The following DCHS2 variants were observed in gnomAD, a reference collection of about 807,000 sequenced individuals.
DCHS2 encodes the protein dachsous cadherin-related 2, also known as protocadherin-23.
DCHS2 carries 142 observed loss-of-function variants against 182.4 expected under a neutral mutation model. The observed-to-expected ratio is 0.78, with a 90% CI of 0.68 to 0.89. DCHS2 has a LOEUF of 0.89. Ranked by LOEUF, DCHS2 falls within the 40% of genes least tolerant of loss-of-function variation. The pLI is 0.00. For synonymous variants in DCHS2, 1,740 were observed against 1,663.3 expected (o/e 1.05, Z -1.12); for missense variants, 4,319 against 4,198.6 (o/e 1.03, Z -0.79).
At chr4:154,478,616 T>C (rs963024153) in intron 1 of DCHS2, among the ~76,000 whole-genome samples, 4 of 152,176 alleles carry the variant, frequency 2.6e-5, no homozygotes, top group Non-Finnish European at 5.9e-5. Flanking sequence ...CAGGAAACCA[T>C]AGCCATTAGA....
intron 1 of DCHS2, among the ~76,000 whole-genome samples, chr4:154,384,792 G>A (rs1368989183): frequency 1.3e-5 from 2 of 152,122 alleles, no homozygotes; most frequent in African/African-American, 2.4e-5. Flanking sequence ...AGCTGGAGGA[G>A]ATAAAGAATG....
At chr4:154,247,635 C>CAAA (rs67157369) in intron 16 of DCHS2, among the ~76,000 whole-genome samples, 2 of 100,116 alleles carry the variant, frequency 2.0e-5, no homozygotes, top group African/African-American at 8.1e-5. Flanking sequence ...GACTCCGTCT[C>CAAA]AAAAAAAAAA....
At chr4:154,345,364 C>G (rs1165417433) in intron 3 of DCHS2, among the ~76,000 whole-genome samples, 1 of 152,216 alleles carries the variant, frequency 6.6e-6, no homozygotes, top group Non-Finnish European at 1.5e-5. Context: ...GTTACTGTTT[C>G]TGTTTTCCTG....
rs116356309 is a variant in DCHS2 at position 154,305,080 on chromosome 4, C to T, written c.5395+17G>A. ...TTTTTAATTTTTATTTTTTAGCCTACTCAAAGAATCCCTTACCTCGAAGGG... is the reference window on the plus strand; with the variant it reads ...TTTTTAATTTTTATTTTTTAGCCTATTCAAAGAATCCCTTACCTCGAAGGG... On this transcript the variant is annotated intron_variant, in intron 11 of 19. Coordinates refer to ENST00000357232, the MANE Select transcript of DCHS2 (RefSeq NM_001358235.2). 3 of 1,586,288 alleles carry T rather than the reference C, an allele frequency of 1.9e-6. No homozygotes were observed. Among genetic ancestry groups the T allele is most frequent in the African/African-American group, 2.7e-5 (2 of 73,244 alleles).
chr4:154,330,508 G>A (rs1025432201), intron 5 of DCHS2, among the ~76,000 whole-genome samples: 1 of 152,068 alleles, frequency 6.6e-6, no homozygotes, highest in African/African-American at 2.4e-5. Flanking sequence ...GGGACCTTGG[G>A]AAGACAAGCA....
In DCHS2 at chr4:154,489,620, G is replaced by C; in HGVS notation, c.1736C>G (p.Thr579Ser). 8 of 1,551,564 alleles carry C rather than the reference G, an allele frequency of 5.2e-6. No homozygotes were observed. The highest frequency in any genetic ancestry group is 1.7e-4 in the Middle Eastern group (1 of 5,990). The change falls in exon 1 of 20, where the codon ACT (threonine) becomes AGT (serine). Residue 579 changes from threonine to serine, a missense_variant. Transcript: ENST00000357232. ...AGSDHAWLRY[T>S]VVQLSAPCNL... ...GCAGGGAGCCGAGAGTTGGACTACA[G>C]TGTAGCGCAGCCAGGCGTGATCACT...
Position 154,332,963 on chromosome 4 carries a change from C to G in DCHS2, c.3245G>C (p.Trp1082Ser). Residue 1082 changes from tryptophan (W) to serine (S), a missense_variant, in exon 5 of 20, where the codon TGG (tryptophan) becomes TCG (serine). Physicochemically the swap from Trp to Ser is radical, Grantham distance 177 (BLOSUM62 -3). Coordinates refer to ENST00000357232, the MANE Select transcript of DCHS2 (RefSeq NM_001358235.2). Reference sequence around the variant, plus strand: ...TTGATAGACCAAATGTTCGAAAGTCCAGGATGGGCTGTGTTCGCGTTTCTC... The same window carrying G: ...TTGATAGACCAAATGTTCGAAAGTCGAGGATGGGCTGTGTTCGCGTTTCTC... ...VIEKREHSPS[W>S]TFEHLVYQVE... The G allele has an allele frequency of 6.2e-7, 1 of 1,614,180 alleles. No homozygotes were observed. Among genetic ancestry groups the G allele is most frequent in the Non-Finnish European group, 8.5e-7 (1 of 1,180,044 alleles).
chr4:154,326,662 AT>A (rs1736296581), intron 7 of DCHS2, among the ~76,000 whole-genome samples: 1 of 152,196 alleles, frequency 6.6e-6, no homozygotes, highest in Non-Finnish European at 1.5e-5. Context: ...TTGATAGTCC[AT>A]CTTTTCCCCA....
In DCHS2 at chr4:154,279,765, C is replaced by T. The variant is rs543212385; in HGVS notation, c.6464-9752G>A. On this transcript the variant is annotated intron_variant, in intron 13 of 19. Coordinates refer to ENST00000357232, the MANE Select transcript of DCHS2 (RefSeq NM_001358235.2). Reference sequence around the variant, plus strand: ...GAAAGTTAATAGTGGTAAACACTTACATTAAAAAAGAAGAAAGATCTCAAA... The same window carrying T: ...GAAAGTTAATAGTGGTAAACACTTATATTAAAAAAGAAGAAAGATCTCAAA... Among the ~76,000 whole-genome samples the T allele has an allele frequency of 5.3e-5, 8 of 151,774 alleles. No individual in the cohort carries two copies. The South Asian group carries it at 1.5e-3, about 28-fold the overall frequency.
At chr4:154,358,804 T>C (rs1406177283) in intron 3 of DCHS2, among the ~76,000 whole-genome samples, 1 of 152,022 alleles carries the variant, frequency 6.6e-6, no homozygotes, top group East Asian at 1.9e-4. Context: ...AATTGTATAT[T>C]TGAATCCAAC....
intron 2 of DCHS2, among the ~76,000 whole-genome samples, chr4:154,375,615 C>A (rs962105954): frequency 1.3e-5 from 2 of 151,816 alleles, no homozygotes; most frequent in Non-Finnish European, 2.9e-5. Flanking sequence ...CAAAGTAAAA[C>A]CCCAGTGTGA....
At chr4:154,325,341 G>GTGTGTGTGTGTT (rs1736238451) in intron 7 of DCHS2, among the ~76,000 whole-genome samples, 1 of 151,460 alleles carries the variant, frequency 6.6e-6, no homozygotes, top group Non-Finnish European at 1.5e-5. Flanking sequence ...GTGTGTGTGT[G>GTGTGTGTGTGTT]TGTGTGTGTG....
In DCHS2 at chr4:154,239,170, C is replaced by A; in HGVS notation, c.7492G>T (p.Gly2498Cys). ...SKEFSIDPKNGTIFTISPVLL... is the reference protein window; with the variant it reads ...SKEFSIDPKNCTIFTISPVLL... ...ATTAATGCAATTATAAATAACTCACCATTCTTAGGATCAATGGAGAATTCC... is the reference window on the plus strand; with the variant it reads ...ATTAATGCAATTATAAATAACTCACAATTCTTAGGATCAATGGAGAATTCC... The change falls in exon 19 of 20, where the codon GGC (glycine) becomes TGC (cysteine). Residue 2498 changes from glycine to cysteine, a missense_variant and splice_region_variant. Transcript: ENST00000357232. 6.2e-7 allele frequency: 1 copy of A among 1,610,200 alleles called. No homozygotes were observed. Among genetic ancestry groups the A allele is most frequent in the Non-Finnish European group, 8.5e-7 (1 of 1,178,612 alleles).
intron 1 of DCHS2, among the ~76,000 whole-genome samples, chr4:154,400,266 G>A (rs1466457423): frequency 1.5e-4 from 19 of 130,398 alleles, no homozygotes; most frequent in Non-Finnish European, 4.7e-5. Flanking sequence ...TTGCGCCACT[G>A]CACTCCAGCC....
intron 13 of DCHS2, among the ~76,000 whole-genome samples, chr4:154,271,678 C>T (rs1404216900): frequency 1.3e-5 from 2 of 152,180 alleles, no homozygotes; most frequent in African/African-American, 4.8e-5. Flanking sequence ...CTTTGCTGCT[C>T]ATCTTTCCCA....
chr4:154,391,075 A>G (rs1731679593), intron 1 of DCHS2: 7 of 1,102,180 alleles, frequency 6.4e-6, no homozygotes, highest in Non-Finnish European at 7.7e-6. Context: ...TCAGAAGTAA[A>G]TTCTTTGGCC....
intron 1 of DCHS2, among the ~76,000 whole-genome samples, chr4:154,381,194 A>C (rs977738491): frequency 6.6e-6 from 1 of 152,094 alleles, no homozygotes; most frequent in Non-Finnish European, 1.5e-5. Context: ...ATCTCAATTT[A>C]CCTATTTTAG....
intron 3 of DCHS2, among the ~76,000 whole-genome samples, chr4:154,336,615 G>T (rs1465986533): frequency 6.6e-6 from 1 of 151,980 alleles, no homozygotes; most frequent in Non-Finnish European, 1.5e-5. Flanking sequence ...CTGCCCTCTT[G>T]CAACTTCGAT....
At chr4:154,258,366 G>GGTT (rs1578869844) in intron 15 of DCHS2, among the ~76,000 whole-genome samples, 1 of 96,110 alleles carries the variant, frequency 1.0e-5, no homozygotes, top group Non-Finnish European at 2.2e-5. Context: ...TAAAAGAAAG[G>GGTT]CTTTTTTTTT....
Sources: gnomAD v4.1 joint callset for allele counts (sites outside exome capture counted in the v4.1 genomes callset) on GRCh38, gnomAD v4.1.1 for gene constraint, MANE v1.5 for transcripts, NCBI Gene and HGNC (gene_info 2026-07-23, HGNC 2026-07-21) for gene names.